Variants in EP400 observed in about 807,000 individuals in gnomAD.
The protein encoded by EP400 is E1A binding protein p400.
Under a neutral mutation model 354.1 loss-of-function variants are expected in EP400, and 105 were observed. The ratio of observed to expected loss-of-function variants is 0.30; its 90% CI spans 0.25 to 0.35. The LOEUF (loss-of-function observed/expected upper bound fraction) is 0.35, where lower values mean the gene tolerates loss of function less well. EP400 is among the 10% of genes least tolerant of loss of function. The pLI, the probability that EP400 is intolerant of heterozygous loss-of-function variation, is 1.00. For missense variants in EP400, 3,280 were observed against 4,121.0 expected (o/e 0.80, Z 5.59); for synonymous variants, 1,646 against 1,716.9 (o/e 0.96, Z 1.02).
At chr12:132,005,054 C>G in intron 12 of EP400, 23 bp from the exon 13 acceptor site, 1 of 1,542,910 alleles carries the variant, frequency 6.5e-7, no homozygotes, top group East Asian at 2.4e-5. Context: ...AGTAACAGCC[C>G]TTCTGCCCGC....
At chr12:132,061,170 T>A (rs1332967728) in intron 45 of EP400, among the ~76,000 whole-genome samples, 1 of 152,140 alleles carries the variant, frequency 6.6e-6, no homozygotes, top group Non-Finnish European at 1.5e-5. Flanking sequence ...CAGATCTCGT[T>A]ACTGTTTAGG....
chr12:132,053,995 T>C (rs1163664249), intron 43 of EP400, among the ~76,000 whole-genome samples: 1 of 152,230 alleles, frequency 6.6e-6, no homozygotes, highest in African/African-American at 2.4e-5. Flanking sequence ...AGCATGCCCA[T>C]GTGTGCTCCC....
At chr12:131,953,091 G>A (rs1489570214) in intron 1 of EP400, among the ~76,000 whole-genome samples, 1 of 152,088 alleles carries the variant, frequency 6.6e-6, no homozygotes, top group African/African-American at 2.4e-5. Context: ...TTGGAAGAAG[G>A]GTGAAAAAAC....
At chr12:132,047,511 CT>C (rs1487142560) in intron 39 of EP400, among the ~76,000 whole-genome samples, 1 of 152,134 alleles carries the variant, frequency 6.6e-6, no homozygotes, top group Non-Finnish European at 1.5e-5. Flanking sequence ...GTGATGCCCC[CT>C]GAGCAGTAAA....
Position 132,005,320 on chromosome 12 carries a change from A to G in EP400, c.2935+136A>G. On this transcript the variant is annotated intron_variant, in intron 13 of 52. Transcript: ENST00000389561. ...TTAGAAATATTTAATAAGTATCTTT[A>G]TATTGAATAGAATTTTATTAAATTC... is the stretch of plus-strand genomic sequence containing the variant. 2 of 553,158 alleles carry G rather than the reference A, an allele frequency of 3.6e-6. 1 individual carries two copies. The highest frequency in any genetic ancestry group is 6.0e-6 in the Non-Finnish European group (2 of 331,856). The allele number at this position is 553,158 out of a possible 1,614,324, so 34.3% of individuals were successfully genotyped here. A position where few individuals can be genotyped will look rare whatever the true frequency, so the allele number is the denominator to read the frequency against.
intron 15 of EP400, among the ~76,000 whole-genome samples, chr12:132,008,116 T>G (rs1383487882): frequency 6.6e-6 from 1 of 152,086 alleles, no homozygotes. Context: ...ACCCAGCTAA[T>G]TTTGTATTTT....
intron 39 of EP400, among the ~76,000 whole-genome samples, chr12:132,049,917 C>T (rs1397338694): frequency 2.0e-5 from 3 of 152,222 alleles, no homozygotes; most frequent in Non-Finnish European, 4.4e-5. Context: ...CACTGTCCAC[C>T]GTGGGCAGAT....
intron 12 of EP400, among the ~76,000 whole-genome samples, chr12:131,999,183 A>T (rs1283187950): frequency 6.6e-6 from 1 of 151,992 alleles, no homozygotes; most frequent in Non-Finnish European, 1.5e-5. Flanking sequence ...GGCCTCGGTC[A>T]GGTTGTCTGA....
chr12:131,974,015 G>A (rs1892384566), intron 2 of EP400, among the ~76,000 whole-genome samples: 1 of 145,930 alleles, frequency 6.9e-6, no homozygotes, highest in African/African-American at 2.6e-5. Flanking sequence ...TTGAGACAGA[G>A]TCTTGCTCCG....
chr12:131,964,531 G>C (rs1006119033), intron 2 of EP400, among the ~76,000 whole-genome samples: 12 of 152,290 alleles, frequency 7.9e-5, no homozygotes, highest in African/African-American at 2.9e-4. Context: ...CTTTGGAATA[G>C]ATAGTGTTGG....
At chr12:131,968,603 C>T (rs1353790954) in intron 2 of EP400, among the ~76,000 whole-genome samples, 1 of 152,162 alleles carries the variant, frequency 6.6e-6, no homozygotes, top group Non-Finnish European at 1.5e-5. Context: ...TTGATATCTA[C>T]AAAACATCTT....
Position 132,050,750 on chromosome 12 carries a change from T to C in EP400, c.7394+95T>C. The C allele has an allele frequency of 7.0e-7, 1 of 1,427,706 alleles. No individual in the cohort carries two copies. The highest frequency in any genetic ancestry group is 1.1e-5 in the South Asian group (1 of 87,114). 88.4% of individuals were successfully genotyped at this position (1,427,706 alleles called of 1,614,324 possible). On this transcript the variant is annotated intron_variant, in intron 41 of 52. Coordinates refer to ENST00000389561, the MANE Select transcript of EP400 (RefSeq NM_015409.5). The surrounding 1 kb of genome is among the most constrained non-coding windows in gnomAD (Gnocchi z 4.8). ...TGAGTTCAGCAAATCGTTGTGCACTTAGCGTGTTCAGGCATCAGCTGGACG... is the reference window on the plus strand; with the variant it reads ...TGAGTTCAGCAAATCGTTGTGCACTCAGCGTGTTCAGGCATCAGCTGGACG...
intron 1 of EP400, among the ~76,000 whole-genome samples, chr12:131,952,852 C>T (rs1891561778): frequency 6.6e-6 from 1 of 152,042 alleles, no homozygotes; most frequent in Non-Finnish European, 1.5e-5. Context: ...TCTTTGTTTT[C>T]CATCTTTTTT....
At chr12:131,982,599 C>A in intron 5 of EP400, 121 bp downstream of exon 5, 1 of 1,276,232 alleles carries the variant, frequency 7.8e-7, no homozygotes. Context: ...AGCTTGCTCC[C>A]CCAATTTAGA....
At chr12:131,951,018 G>T (rs1158896393) in intron 1 of EP400, among the ~76,000 whole-genome samples, 1 of 151,054 alleles carries the variant, frequency 6.6e-6, no homozygotes, top group East Asian at 1.9e-4. Context: ...TCCTGCCTCA[G>T]CCTCCCGAGT....
In EP400 at chr12:132,067,631, G is replaced by T. The variant is rs1023732421; in HGVS notation, c.8874+145G>T. On this transcript the variant is annotated intron_variant, in intron 50 of 52. Transcript: ENST00000389561. The surrounding 1 kb of genome is among the most constrained non-coding windows in gnomAD (Gnocchi z 5.3). ...TTCAAGGGCTGGAGGTGCTAGTGTGGTCATCCCTGTTGGTTTTTCCTTCCT... is the reference window on the plus strand; with the variant it reads ...TTCAAGGGCTGGAGGTGCTAGTGTGTTCATCCCTGTTGGTTTTTCCTTCCT... The T allele has an allele frequency of 4.3e-6, 5 of 1,167,762 alleles. No homozygotes were observed. The highest frequency in any genetic ancestry group is 5.9e-6 in the Non-Finnish European group (5 of 841,878). 72.3% of individuals were successfully genotyped at this position (1,167,762 alleles called of 1,614,324 possible).
At chr12:132,076,371 G>C in intron 51 of EP400, 145 bp from the exon 52 acceptor site, 1 of 796,430 alleles carries the variant, frequency 1.3e-6, no homozygotes, top group Non-Finnish European at 2.1e-6. Flanking sequence ...CACTGCTGCA[G>C]GTGGGCACAC....
chr12:131,998,371 G>C (rs1047645479), intron 12 of EP400, among the ~76,000 whole-genome samples: 5 of 152,098 alleles, frequency 3.3e-5, no homozygotes, highest in African/African-American at 1.2e-4. Context: ...TGTGAGAATT[G>C]CTGTCTTTAT....
intron 29 of EP400, chr12:132,031,199 A>G (rs549808681): frequency 1.4e-4 from 74 of 518,448 alleles, no homozygotes; most frequent in African/African-American, 1.0e-3. Flanking sequence ...TTAGAGGACT[A>G]TCCTTCACGG....
Sources: gnomAD v4.1 joint callset for allele counts (sites outside exome capture counted in the v4.1 genomes callset) on GRCh38, gnomAD v4.1.1 for gene constraint, Gnocchi (gnomAD v3.1) non-coding constraint, MANE v1.5 for transcripts, NCBI Gene and HGNC (gene_info 2026-07-23, HGNC 2026-07-21) for gene names.